TBC1D19: variants seen among roughly 807,000 people sequenced by gnomAD.
TBC1D19 encodes the protein TBC1 domain family, member 19.
TBC1D19 carries 60 observed loss-of-function variants against 89.0 expected under a neutral mutation model. The ratio of observed to expected loss-of-function variants is 0.67; its 90% CI spans 0.55 to 0.84. The LOEUF is 0.84. TBC1D19 is among the 40% of genes least tolerant of loss of function. TBC1D19 has a pLI of 0.00. For synonymous variants in TBC1D19, 189 were observed against 199.7 expected (o/e 0.95, Z 0.45); for missense variants, 500 against 610.8 (o/e 0.82, Z 1.91).
At chr4:26,623,446 C>T (rs566026030) in intron 4 of TBC1D19, among the ~76,000 whole-genome samples, 28 of 152,164 alleles carry the variant, frequency 1.8e-4, no homozygotes, top group African/African-American at 6.7e-4. Context: ...CTAATTCAAC[C>T]TCTGTCTCAC....
At chr4:26,655,138 A>T (rs1267843642) in intron 7 of TBC1D19, among the ~76,000 whole-genome samples, 2 of 152,164 alleles carry the variant, frequency 1.3e-5, no homozygotes. Flanking sequence ...GGAGGTCCAC[A>T]CCAGACCCTA....
intron 1 of TBC1D19, among the ~76,000 whole-genome samples, chr4:26,599,751 G>T (rs138326148): frequency 0.011 from 1,689 of 152,082 alleles, 33 homozygotes; most frequent in African/African-American, 0.039. Flanking sequence ...TTTGAGACCA[G>T]CCTGGGCAAC....
At chr4:26,795,884 A>C in the TBC1D19 span, among the ~76,000 whole-genome samples, 3 of 152,206 alleles carry the variant, frequency 2.0e-5, no homozygotes, top group Non-Finnish European at 4.4e-5. Flanking sequence ...TTTGTCCCAC[A>C]TCTGCCCAGT....
intron 11 of TBC1D19, among the ~76,000 whole-genome samples, chr4:26,678,742 A>G (rs1318614097): frequency 6.6e-6 from 1 of 152,170 alleles, no homozygotes; most frequent in Non-Finnish European, 1.5e-5. Context: ...ACCTTACAGT[A>G]AAGATCTTTG....
At chr4:26,854,642 G>A in the TBC1D19 span, among the ~76,000 whole-genome samples, 2 of 152,030 alleles carry the variant, frequency 1.3e-5, no homozygotes, top group Non-Finnish European at 2.9e-5. Context: ...GGGCCAAGAT[G>A]TGATGTTCCC....
At chr4:26,811,586 G>A in the TBC1D19 span, among the ~76,000 whole-genome samples, 4 of 152,214 alleles carry the variant, frequency 2.6e-5, no homozygotes, top group African/African-American at 4.8e-5. Context: ...AGCATTCAAG[G>A]TGAATCTATG....
At chr4:26,816,969 C>G in the TBC1D19 span, among the ~76,000 whole-genome samples, 1 of 152,100 alleles carries the variant, frequency 6.6e-6, no homozygotes, top group African/African-American at 2.4e-5. Context: ...CTGAAAATAA[C>G]TTGAATTTTG....
chr4:26,685,571 G>A (rs75163118), intron 12 of TBC1D19, among the ~76,000 whole-genome samples: 3,606 of 152,290 alleles, frequency 0.024, 128 homozygotes, highest in African/African-American at 0.08. Context: ...AAATTAACAT[G>A]TGAAGTAGTG....
the TBC1D19 span, among the ~76,000 whole-genome samples, chr4:26,774,996 G>A: frequency 1.3e-5 from 2 of 152,268 alleles, no homozygotes; most frequent in East Asian, 3.9e-4. Context: ...TAGGAACTAA[G>A]GTTGAATTTT....
intron 15 of TBC1D19, among the ~76,000 whole-genome samples, chr4:26,726,096 C>G (rs934790715): frequency 8.7e-5 from 13 of 149,420 alleles, no homozygotes; most frequent in Non-Finnish European, 1.9e-4. Flanking sequence ...TACTCTAGAG[C>G]AGTAATTCTC....
At chr4:26,663,810 T>TCACC (rs1711555166) in intron 8 of TBC1D19, among the ~76,000 whole-genome samples, 1 of 152,172 alleles carries the variant, frequency 6.6e-6, no homozygotes, top group East Asian at 1.9e-4. Context: ...TGTGCGAGTA[T>TCACC]TGAACTTGGT....
chr4:26,777,135 CTTTT>C, the TBC1D19 span, among the ~76,000 whole-genome samples: 5 of 122,702 alleles, frequency 4.1e-5, no homozygotes, highest in Admixed American at 1.7e-4. Context: ...TCTCTCTCTT[CTTTT>C]TTTTTTTTTT....
chr4:26,792,262 TA>T, the TBC1D19 span, among the ~76,000 whole-genome samples: 1 of 151,824 alleles, frequency 6.6e-6, no homozygotes, highest in African/African-American at 2.4e-5. Context: ...TACTTATTAT[TA>T]AAAAAAAGAA....
intron 4 of TBC1D19, among the ~76,000 whole-genome samples, chr4:26,630,433 T>C (rs1742734763): frequency 6.6e-6 from 1 of 152,068 alleles, no homozygotes; most frequent in African/African-American, 2.4e-5. Context: ...AAACCATCTA[T>C]TTATTTATTT....
chr4:26,600,407 T>C (rs1740513551), intron 1 of TBC1D19, among the ~76,000 whole-genome samples: 1 of 152,180 alleles, frequency 6.6e-6, no homozygotes, highest in Non-Finnish European at 1.5e-5. Flanking sequence ...AGAAAATACA[T>C]ATGTAAGGGA....
chr4:26,683,796 G>A (rs762485555), intron 12 of TBC1D19, 47 bp downstream of exon 12: 1 of 1,491,268 alleles, frequency 6.7e-7, no homozygotes, highest in East Asian at 2.3e-5. Flanking sequence ...ATATAATTTA[G>A]AATTGAGATT....
At chr4:26,809,697 C>A in the TBC1D19 span, among the ~76,000 whole-genome samples, 2 of 152,130 alleles carry the variant, frequency 1.3e-5, no homozygotes, top group African/African-American at 4.8e-5. Context: ...GGGGAGCCAG[C>A]CTCAGAGTTA....
At position 26,755,133 on chromosome 4, in the gene TBC1D19, C is replaced by T. The variant is rs1418971761; in HGVS notation, c.*186C>T. On this transcript the variant is annotated 3_prime_UTR_variant, in exon 21 of 21. Coordinates refer to ENST00000264866, the MANE Select transcript of TBC1D19 (RefSeq NM_018317.4). ...AATAACTCTGCACCAAATATTGCATCGCATGCTGCTGATTTTCAAGAGAGA... is the reference window on the plus strand; with the variant it reads ...AATAACTCTGCACCAAATATTGCATTGCATGCTGCTGATTTTCAAGAGAGA... 2 of 333,644 alleles carry T rather than the reference C, an allele frequency of 6.0e-6. No homozygotes were observed. The highest frequency in any genetic ancestry group is 9.3e-5 in the South Asian group (1 of 10,784). 20.7% of individuals were successfully genotyped at this position (333,644 alleles called of 1,614,324 possible). A position where few individuals can be genotyped will look rare whatever the true frequency, so the allele number is the denominator to read the frequency against.
the TBC1D19 span, among the ~76,000 whole-genome samples, chr4:26,807,068 C>T: frequency 2.8e-4 from 42 of 152,254 alleles, no homozygotes; most frequent in African/African-American, 1.0e-3. Flanking sequence ...AAGACACCCC[C>T]TTCCCACGGC....
Sources: allele counts gnomAD v4.1 joint callset (sites outside exome capture counted in the v4.1 genomes callset), GRCh38; gene constraint gnomAD v4.1.1; transcripts MANE v1.5; gene names NCBI Gene and HGNC (gene_info 2026-07-23, HGNC 2026-07-21).